DSCAM: variants seen among roughly 807,000 people sequenced by gnomAD.
The protein encoded by DSCAM is cell adhesion molecule DSCAM.
A neutral mutation model predicts 217.7 loss-of-function variants in DSCAM; 47 were observed. The ratio of observed to expected loss-of-function variants is 0.22; its 90% confidence interval spans 0.17 to 0.28. DSCAM has a LOEUF of 0.28. Ranked by LOEUF, DSCAM falls within the 10% of genes least tolerant of loss-of-function variation. The pLI, the probability that DSCAM is intolerant of heterozygous loss-of-function variation, is 1.00. For missense variants in DSCAM, 2,080 were observed against 2,618.3 expected, an observed-to-expected ratio of 0.79 and a Z score of 4.49; for synonymous variants, 1,056 against 1,015.3, an observed-to-expected ratio of 1.04 and a Z score of -0.76.
intron 3 of DSCAM, among the ~76,000 whole-genome samples, chr21:40,600,958 G>T (rs1337893349): frequency 6.6e-6 from 1 of 152,164 alleles, no homozygotes; most frequent in Non-Finnish European, 1.5e-5. Flanking sequence ...TTGAAGTCAG[G>T]TAATGTCAGT....
chr21:40,368,981 G>T, intron 4 of DSCAM, 118 bp downstream of exon 4: 2 of 1,152,872 alleles, frequency 1.7e-6, no homozygotes, highest in Non-Finnish European at 2.3e-6. Flanking sequence ...AAAATATTTT[G>T]GAAAAGGAAT....
chr21:40,084,427 G>A (rs1271255303), intron 23 of DSCAM, among the ~76,000 whole-genome samples: 5 of 151,584 alleles, frequency 3.3e-5, no homozygotes, highest in Non-Finnish European at 7.4e-5. Context: ...ATGGAAAAGG[G>A]GAAGGAGGAA....
intron 1 of DSCAM, among the ~76,000 whole-genome samples, chr21:40,725,124 T>A (rs997120888): frequency 6.6e-6 from 1 of 152,210 alleles, no homozygotes; most frequent in African/African-American, 2.4e-5. Context: ...CTCACTGGCT[T>A]CCTCTAGTAT....
At chr21:40,500,378 T>A (rs1178549607) in intron 3 of DSCAM, among the ~76,000 whole-genome samples, 1 of 152,196 alleles carries the variant, frequency 6.6e-6, no homozygotes, top group Non-Finnish European at 1.5e-5. Flanking sequence ...TTTCAACTGA[T>A]TAAGACTCCT....
intron 3 of DSCAM, among the ~76,000 whole-genome samples, chr21:40,388,951 G>T (rs1212221512): frequency 1.3e-5 from 2 of 152,130 alleles, no homozygotes; most frequent in Non-Finnish European, 2.9e-5. Flanking sequence ...AGTAAATGTA[G>T]TGTACAGTGT....
chr21:40,152,126 A>AC (rs76111010), intron 16 of DSCAM, among the ~76,000 whole-genome samples: 883 of 57,362 alleles, frequency 0.015, 5 homozygotes, highest in South Asian at 0.064. Context: ...GAAAAAAAAA[A>AC]ACACAAAAAA....
intron 3 of DSCAM, among the ~76,000 whole-genome samples, chr21:40,665,130 T>C (rs1246833697): frequency 1.3e-5 from 2 of 152,192 alleles, no homozygotes; most frequent in Non-Finnish European, 2.9e-5. Context: ...CAATTAAACC[T>C]CTTTTCTTTA....
At chr21:40,100,847 T>C (rs1367891592) in intron 20 of DSCAM, among the ~76,000 whole-genome samples, 1 of 152,166 alleles carries the variant, frequency 6.6e-6, no homozygotes, top group African/African-American at 2.4e-5. Context: ...CTTTGAACTC[T>C]CCAGTCTCAT....
intron 11 of DSCAM, among the ~76,000 whole-genome samples, chr21:40,205,405 C>T (rs1450136219): frequency 6.6e-6 from 1 of 152,084 alleles, no homozygotes; most frequent in Non-Finnish European, 1.5e-5. Context: ...GAGTTCGAGA[C>T]CAGACCGGCC....
intron 3 of DSCAM, among the ~76,000 whole-genome samples, chr21:40,530,318 T>C (rs2076433318): frequency 6.6e-6 from 1 of 152,232 alleles, no homozygotes; most frequent in Admixed American, 6.5e-5. Flanking sequence ...AATTTGACTT[T>C]TGTTGATAAA....
rs566463719 is a variant in DSCAM at position 40,777,995 on chromosome 21, C to G, written c.43+68624G>C. On this transcript the variant is annotated intron_variant, in intron 1 of 32. Transcript: ENST00000400454. ...CTAGAAGATAATGATATTTTACCTC[C>G]AAAGTACAAAGGGAAAATATATAGT... Among the ~76,000 whole-genome samples the G allele has an allele frequency of 2.6e-5, 4 of 152,162 alleles. No homozygotes were observed. The East Asian group carries it at 7.7e-4, about 29-fold the overall frequency.
chr21:40,347,908 T>G lies in DSCAM; in HGVS notation c.972A>C (p.Lys324Asn). Residue 324 changes from lysine (K) to asparagine (N), a missense_variant, in exon 6 of 33, where the codon AAA (lysine) becomes AAC (asparagine). By Grantham distance (94) the Lys-to-Asn change is moderately conservative. Around this residue, in one of 5 missense-constraint regions of DSCAM, gnomAD observed 568 missense variants for 678.1 expected, o/e 0.84. Transcript: ENST00000400454. The part of the protein sequence containing the change: ...LKATISPRKV[K>N]SSVGSQVSLS... Reference sequence around the variant, plus strand: ...AGGAAACTTGGCTACCCACGCTGCTTTTAACCTTCCTGGGACTGATGGTGG... The same window carrying G: ...AGGAAACTTGGCTACCCACGCTGCTGTTAACCTTCCTGGGACTGATGGTGG... The G allele has an allele frequency of 6.2e-7, 1 of 1,613,978 alleles. No individual in the cohort carries two copies. The highest frequency in any genetic ancestry group is 8.5e-7 in the Non-Finnish European group (1 of 1,179,916).
chr21:40,103,053 A>G (rs775720103), intron 20 of DSCAM, among the ~76,000 whole-genome samples: 6 of 152,222 alleles, frequency 3.9e-5, no homozygotes, highest in Non-Finnish European at 7.3e-5. Context: ...TTCTTGTTGT[A>G]CTAGGTGAGT....
At chr21:40,155,316 G>T (rs1431119290) in intron 16 of DSCAM, among the ~76,000 whole-genome samples, 1 of 152,172 alleles carries the variant, frequency 6.6e-6, no homozygotes, top group Non-Finnish European at 1.5e-5. Flanking sequence ...TGGGGACCTA[G>T]AGGGTGCACT....
intron 3 of DSCAM, among the ~76,000 whole-genome samples, chr21:40,389,589 G>A (rs944959980): frequency 6.6e-6 from 1 of 152,140 alleles, no homozygotes; most frequent in African/African-American, 2.4e-5. Flanking sequence ...TTGACAAAGA[G>A]CTTACCATCT....
At chr21:40,439,024 T>C (rs2075608558) in intron 3 of DSCAM, among the ~76,000 whole-genome samples, 1 of 152,208 alleles carries the variant, frequency 6.6e-6, no homozygotes, top group African/African-American at 2.4e-5. Context: ...TACCCTTTTC[T>C]ATTGCACCAT....
intron 32 of DSCAM, among the ~76,000 whole-genome samples, chr21:40,021,693 A>G (rs540090508): frequency 5.9e-5 from 9 of 152,216 alleles, no homozygotes; most frequent in Admixed American, 4.6e-4. Flanking sequence ...CAGTGCCATT[A>G]ATGTCTCCAA....
intron 8 of DSCAM, among the ~76,000 whole-genome samples, chr21:40,314,631 C>T (rs1032441391): frequency 2.0e-5 from 3 of 152,148 alleles, no homozygotes; most frequent in Non-Finnish European, 4.4e-5. Flanking sequence ...AATTGCTATG[C>T]TTTATTAAAG....
intron 11 of DSCAM, among the ~76,000 whole-genome samples, chr21:40,217,169 T>C (rs2837509): frequency 0.52 from 78,840 of 152,086 alleles, 20,749 homozygotes; most frequent in Middle Eastern, 0.63. Flanking sequence ...ATATATCTTA[T>C]TATTGTATTA....
Sources: allele counts gnomAD v4.1 joint callset (sites outside exome capture counted in the v4.1 genomes callset), GRCh38; gene constraint gnomAD v4.1.1; regional missense constraint gnomAD v4.1.1; transcripts MANE v1.5; gene names NCBI Gene and HGNC (gene_info 2026-07-23, HGNC 2026-07-21).